Variants in TAOK1 observed in about 807,000 individuals in gnomAD.
TAOK1 encodes the protein TAO kinase 1, also known as serine/threonine-protein kinase TAO1.
A neutral mutation model predicts 138.3 loss-of-function variants in TAOK1; 21 were observed. The observed-to-expected ratio is 0.15, with a 90% CI of 0.11 to 0.22. TAOK1 has a LOEUF of 0.22. TAOK1 is among the 10% of genes least tolerant of loss of function. The probability of loss-of-function intolerance (pLI) is 1.00; values close to 1 mark genes in which losing one functional copy is unlikely to be tolerated. For synonymous variants in TAOK1, 361 were observed against 398.4 expected, an observed-to-expected ratio of 0.91 and a Z score of 1.12; for missense variants, 651 against 1,227.7, an observed-to-expected ratio of 0.53 and a Z score of 7.02.
At chr17:29,536,134 A>G (rs1272166097) in intron 19 of TAOK1, among the ~76,000 whole-genome samples, 1 of 151,904 alleles carries the variant, frequency 6.6e-6, no homozygotes, top group Non-Finnish European at 1.5e-5. Context: ...CACCATCTCT[A>G]CTGAAAATAC....
chr17:29,536,126 C>T (rs1458182858), intron 19 of TAOK1, among the ~76,000 whole-genome samples: 1 of 151,856 alleles, frequency 6.6e-6, no homozygotes, highest in Non-Finnish European at 1.5e-5. Flanking sequence ...TAGTGAAACA[C>T]CATCTCTACT....
At chr17:29,483,706 A>T (rs975287521) in intron 8 of TAOK1, among the ~76,000 whole-genome samples, 1 of 151,908 alleles carries the variant, frequency 6.6e-6, no homozygotes, top group Admixed American at 6.5e-5. Context: ...ATAGTTTAAC[A>T]ACATCAACAA....
chr17:29,492,724 G>A (rs558132641), intron 10 of TAOK1, among the ~76,000 whole-genome samples: 122 of 152,200 alleles, frequency 8.0e-4, no homozygotes, highest in African/African-American at 2.1e-3. Flanking sequence ...CCTGGGAGGC[G>A]GAGGTAGTGG....
chr17:29,538,090 G>A (rs999882496), intron 19 of TAOK1, among the ~76,000 whole-genome samples: 9 of 131,372 alleles, frequency 6.9e-5, no homozygotes, highest in South Asian at 2.4e-4. Flanking sequence ...CCAGCCTGGC[G>A]ACAGAGCAAG....
Position 29,546,345 on chromosome 17 carries a change from C to T in TAOK1, c.*3323C>T, listed in dbSNP as rs1414687492. The T allele has an allele frequency of 6.6e-6, 1 of 152,010 alleles. No individual in the cohort carries two copies. Among genetic ancestry groups the T allele is most frequent in the African/African-American group, 2.4e-5 (1 of 41,422 alleles). 9.4% of individuals were successfully genotyped at this position (152,010 alleles called of 1,614,324 possible). On this transcript the variant is annotated 3_prime_UTR_variant, in exon 20 of 20. Coordinates refer to ENST00000261716, the MANE Select transcript of TAOK1 (RefSeq NM_020791.4). ...ACATTCAGTACACTAAAGAAACTATCCTGGACACTCCCTCCTGCTTCCACC... is the reference window on the plus strand; with the variant it reads ...ACATTCAGTACACTAAAGAAACTATTCTGGACACTCCCTCCTGCTTCCACC...
intron 12 of TAOK1, 72 bp from the exon 13 acceptor site, chr17:29,502,517 A>G: frequency 6.7e-7 from 1 of 1,491,452 alleles, no homozygotes; most frequent in Admixed American, 2.3e-5. Flanking sequence ...GTTGTCTTTA[A>G]ACTTTAATTT....
At position 29,508,090 on chromosome 17, in the gene TAOK1, G is replaced by T. The variant is rs1320318999; in HGVS notation, c.1533G>T (p.Met511Ile). 6.2e-7 allele frequency: 1 copy of T among 1,614,058 alleles called. No individual in the cohort carries two copies. Among genetic ancestry groups the T allele is most frequent in the South Asian group, 1.1e-5 (1 of 91,072 alleles). The stretch of plus-strand genomic sequence containing the variant: ...AGCGTAACAATTTTGCTGCAGAAAT[G>T]GAGAAACTTATCAAGAAACACCAGG... Reference protein sequence around the residue: ...ETQRNNFAAEMEKLIKKHQAA... With the variant: ...ETQRNNFAAEIEKLIKKHQAA... The change falls in exon 14 of 20, where the codon ATG becomes ATT. Residue 511 changes from methionine to isoleucine, a missense_variant. Around this residue, in one of 8 missense-constraint regions of TAOK1, gnomAD observed 258 missense variants for 548.9 expected, o/e 0.47. Transcript: ENST00000261716.
At chr17:29,397,388 G>T (rs1191798308) in intron 1 of TAOK1, among the ~76,000 whole-genome samples, 2 of 151,538 alleles carry the variant, frequency 1.3e-5, no homozygotes, top group African/African-American at 4.9e-5. Context: ...CAGAACACAA[G>T]GTCAGGAGTT....
In TAOK1 at chr17:29,451,466, A is replaced by C; in HGVS notation, c.-83A>C. ...CTATTTTTCTACAGTAGTTTATGCC[A>C]ACGTGACTTCATTCATACAGATGAA... On this transcript the variant is annotated 5_prime_UTR_variant, in exon 2 of 20. Transcript: ENST00000261716. 6.8e-7 allele frequency: 1 copy of C among 1,461,266 alleles called. No individual in the cohort carries two copies. Among genetic ancestry groups the C allele is most frequent in the Non-Finnish European group, 9.0e-7 (1 of 1,105,460 alleles). The allele number at this position is 1,461,266 out of a possible 1,614,324, so 90.5% of individuals were successfully genotyped here.
chr17:29,471,267 A>G (rs920527287), intron 3 of TAOK1, among the ~76,000 whole-genome samples: 3 of 132,294 alleles, frequency 2.3e-5, no homozygotes, highest in Admixed American at 8.2e-5. Flanking sequence ...ATTTTAAAAT[A>G]TTTTCTTTCT....
chr17:29,468,135 A>ATTT lies in TAOK1; in HGVS notation c.204+934_204+936dup, dbSNP rs761962930. 5.9e-4 allele frequency among the ~76,000 whole-genome samples: 45 copies of ATTT among 76,062 alleles called. 8 individuals are homozygous for ATTT. Among genetic ancestry groups the ATTT allele is most frequent in the East Asian group, 2.0e-3 (3 of 1,498 alleles). 49.9% of individuals were successfully genotyped at this position (76,062 alleles called of 152,430 possible). ...AACCACTGTGCTTGGCCTGCTTTCA[A>ATTT]TTTTTTTTTTTTTTTTTAGGAGCTG... is the stretch of plus-strand genomic sequence containing the variant. On this transcript the variant is annotated intron_variant, in intron 3 of 19. Coordinates refer to ENST00000261716, the MANE Select transcript of TAOK1 (RefSeq NM_020791.4).
intron 14 of TAOK1, among the ~76,000 whole-genome samples, chr17:29,509,790 G>A (rs1475105902): frequency 6.6e-6 from 1 of 151,844 alleles, no homozygotes; most frequent in Non-Finnish European, 1.5e-5. Flanking sequence ...CAGCTACTCA[G>A]GAGGCTGAGG....
intron 6 of TAOK1, 94 bp downstream of exon 6, chr17:29,478,441 A>G (rs954340292): frequency 1.2e-6 from 1 of 837,980 alleles, no homozygotes; most frequent in Non-Finnish European, 1.8e-6. Flanking sequence ...TATTGGTTAA[A>G]GCCAAATAAA....
intron 16 of TAOK1, 35 bp from the exon 17 acceptor site, chr17:29,522,245 T>C: frequency 6.2e-7 from 1 of 1,606,556 alleles, no homozygotes; most frequent in African/African-American, 1.3e-5. Context: ...TATACAGCAG[T>C]AAGTTATACC....
At chr17:29,443,818 T>G (rs1351342402) in intron 1 of TAOK1, among the ~76,000 whole-genome samples, 1 of 152,200 alleles carries the variant, frequency 6.6e-6, no homozygotes, top group South Asian at 2.1e-4. Flanking sequence ...ATATTTATAT[T>G]TTTAAACCTG....
At chr17:29,453,190 C>T (rs1441170378) in intron 2 of TAOK1, among the ~76,000 whole-genome samples, 1 of 141,918 alleles carries the variant, frequency 7.0e-6, no homozygotes, top group South Asian at 2.2e-4. Context: ...GATGGAGTCT[C>T]GCTCTATTGC....
At chr17:29,405,585 C>T (rs1476958195) in intron 1 of TAOK1, among the ~76,000 whole-genome samples, 1 of 151,854 alleles carries the variant, frequency 6.6e-6, no homozygotes, top group African/African-American at 2.4e-5. Context: ...TTGAGACCAG[C>T]CTGGCCAATA....
intron 17 of TAOK1, among the ~76,000 whole-genome samples, chr17:29,528,522 T>G (rs1363632355): frequency 6.6e-6 from 1 of 151,976 alleles, no homozygotes; most frequent in African/African-American, 2.4e-5. Context: ...ATAAACTGTA[T>G]AGTTAGAGTT....
intron 15 of TAOK1, among the ~76,000 whole-genome samples, chr17:29,516,501 AT>A (rs36052568): frequency 4.2e-3 from 539 of 126,934 alleles, no homozygotes; most frequent in African/African-American, 0.011. Flanking sequence ...CACCTGGCTA[AT>A]TTTTTTTTTT....
Sources: gnomAD v4.1 joint callset for allele counts (sites outside exome capture counted in the v4.1 genomes callset) on GRCh38, gnomAD v4.1.1 for gene constraint, gnomAD v4.1.1 regional missense constraint, MANE v1.5 for transcripts, NCBI Gene and HGNC (gene_info 2026-07-23, HGNC 2026-07-21) for gene names.